Variants in GOT2 observed in about 807,000 individuals in gnomAD.
The protein encoded by GOT2 is aspartate aminotransferase, mitochondrial.
A neutral mutation model predicts 50.0 loss-of-function variants in GOT2; 17 were observed. The ratio of observed to expected loss-of-function variants is 0.34; its 90% CI spans 0.23 to 0.51. The LOEUF (loss-of-function observed/expected upper bound fraction) is 0.51. Among genes scored for constraint, GOT2 ranks in the 20% least tolerant of loss-of-function variants. The pLI is 0.97. For missense variants in GOT2, 430 were observed against 559.6 expected, an observed-to-expected ratio of 0.77 and a Z score of 2.34; for synonymous variants, 172 against 204.9, an observed-to-expected ratio of 0.84 and a Z score of 1.37.
At chr16:58,711,206 G>A (rs1337350168) in intron 8 of GOT2, among the ~76,000 whole-genome samples, 1 of 152,142 alleles carries the variant, frequency 6.6e-6, no homozygotes, top group Admixed American at 6.5e-5. Flanking sequence ...AGGGGTGCTT[G>A]TAACCAAACC....
intron 8 of GOT2, among the ~76,000 whole-genome samples, chr16:58,709,769 G>A (rs1374779734): frequency 2.6e-5 from 4 of 152,150 alleles, no homozygotes; most frequent in South Asian, 2.1e-4. Context: ...TTTCCATAAG[G>A]CAACTGAAGC....
At chr16:58,732,377 CGA>C (rs2044841571) in intron 1 of GOT2, among the ~76,000 whole-genome samples, 1 of 151,838 alleles carries the variant, frequency 6.6e-6, no homozygotes, top group African/African-American at 2.4e-5. Flanking sequence ...TAAGATTAGT[CGA>C]GAGAAGGAAC....
At chr16:58,718,724 C>T in intron 4 of GOT2, 36 bp from the exon 5 acceptor site, 1 of 1,513,638 alleles carries the variant, frequency 6.6e-7, no homozygotes, top group African/African-American at 1.4e-5. Flanking sequence ...GAAAAATGAA[C>T]AAAGGAGAGG....
At chr16:58,711,565 C>T (rs1341731841) in intron 8 of GOT2, among the ~76,000 whole-genome samples, 1 of 152,180 alleles carries the variant, frequency 6.6e-6, no homozygotes, top group African/African-American at 2.4e-5. Flanking sequence ...AAATATGGGA[C>T]CTAGTAATGT....
At chr16:58,718,867 T>A (rs2044717779) in intron 4 of GOT2, among the ~76,000 whole-genome samples, 179 bp from the exon 5 acceptor site, 1 of 152,242 alleles carries the variant, frequency 6.6e-6, no homozygotes, top group Admixed American at 6.5e-5. Flanking sequence ...ACAGTTATAC[T>A]GGCCATGTAG....
intron 1 of GOT2, among the ~76,000 whole-genome samples, chr16:58,728,192 C>A (rs999021183): frequency 6.6e-6 from 1 of 152,168 alleles, no homozygotes; most frequent in Non-Finnish European, 1.5e-5. Flanking sequence ...ATTTCCCAGG[C>A]TCTTATTTCT....
At chr16:58,734,012 AGT>A (rs3217426) in intron 1 of GOT2, 126 bp downstream of exon 1, 286,568 of 432,830 alleles carry the variant, frequency 0.66, 96,705 homozygotes, top group African/African-American at 0.82. Flanking sequence ...GTGGCAGAAA[AGT>A]GTGTGTGTGT....
intron 1 of GOT2, among the ~76,000 whole-genome samples, chr16:58,725,781 A>T (rs1208809937): frequency 6.6e-6 from 1 of 152,248 alleles, no homozygotes; most frequent in Non-Finnish European, 1.5e-5. Context: ...TCTGGGAAAT[A>T]GAAGCTACTT....
chr16:58,727,691 AG>A, intron 1 of GOT2, among the ~76,000 whole-genome samples: 1 of 152,310 alleles, frequency 6.6e-6, no homozygotes, highest in Admixed American at 6.5e-5. Flanking sequence ...AGCTTGGAGA[AG>A]GGAAGGAAAG....
At chr16:58,711,098 A>G (rs1018445717) in intron 8 of GOT2, among the ~76,000 whole-genome samples, 3 of 152,086 alleles carry the variant, frequency 2.0e-5, no homozygotes, top group Admixed American at 6.6e-5. Flanking sequence ...ATACATTCCC[A>G]TCTTCACAAT....
At chr16:58,708,440 G>A in intron 9 of GOT2, 147 bp from the exon 10 acceptor site, 1 of 738,326 alleles carries the variant, frequency 1.4e-6, no homozygotes, top group Non-Finnish European at 2.1e-6. Context: ...AATAAAATAA[G>A]AATAAAAAGC....
intron 1 of GOT2, among the ~76,000 whole-genome samples, chr16:58,733,081 TG>T (rs1211729904): frequency 6.6e-6 from 1 of 152,220 alleles, no homozygotes; most frequent in East Asian, 1.9e-4. Context: ...CTTTGCTCCT[TG>T]CAGTTAATAC....
intron 1 of GOT2, among the ~76,000 whole-genome samples, chr16:58,724,705 T>C (rs1221453835): frequency 6.6e-6 from 1 of 152,142 alleles, no homozygotes; most frequent in African/African-American, 2.4e-5. Context: ...CATACCCAGC[T>C]AATTTTTGTA....
At chr16:58,724,417 G>C (rs1356688125) in intron 1 of GOT2, among the ~76,000 whole-genome samples, 1 of 151,840 alleles carries the variant, frequency 6.6e-6, no homozygotes, top group Non-Finnish European at 1.5e-5. Context: ...AGCCAAAACA[G>C]TATTGATTTA....
chr16:58,715,564 T>C (rs2044685571), intron 8 of GOT2, among the ~76,000 whole-genome samples: 1 of 152,094 alleles, frequency 6.6e-6, no homozygotes, highest in East Asian at 1.9e-4. Flanking sequence ...TCTATATATA[T>C]AGATTGAGAC....
intron 6 of GOT2, among the ~76,000 whole-genome samples, 190 bp from the exon 7 acceptor site, chr16:58,717,003 C>T (rs988453173): frequency 6.6e-6 from 1 of 152,168 alleles, no homozygotes; most frequent in African/African-American, 2.4e-5. Flanking sequence ...TCATTAGAAC[C>T]ATTTTATCTT....
chr16:58,714,444 T>C (rs866337577), intron 8 of GOT2, among the ~76,000 whole-genome samples: 4 of 150,026 alleles, frequency 2.7e-5, no homozygotes, highest in Admixed American at 1.3e-4. Flanking sequence ...CCCAGGTACT[T>C]GGGAGGCTGA....
At chr16:58,722,474 G>T (rs1444173724) in intron 2 of GOT2, among the ~76,000 whole-genome samples, 196 bp from the exon 3 acceptor site, 1 of 151,912 alleles carries the variant, frequency 6.6e-6, no homozygotes, top group African/African-American at 2.4e-5. Flanking sequence ...GGGTTCAAGT[G>T]ATTGTCTTGC....
At chr16:58,711,053 A>G (rs1246412376) in intron 8 of GOT2, among the ~76,000 whole-genome samples, 1 of 152,084 alleles carries the variant, frequency 6.6e-6, no homozygotes, top group African/African-American at 2.4e-5. Context: ...TTAAACAAAA[A>G]AAAAAAATGA....
Sources: gnomAD v4.1 joint callset for allele counts (sites outside exome capture counted in the v4.1 genomes callset) on GRCh38, gnomAD v4.1.1 for gene constraint, MANE v1.5 for transcripts, NCBI Gene and HGNC (gene_info 2026-07-23, HGNC 2026-07-21) for gene names.